The following GALNT9 variants were observed in gnomAD, a reference collection of about 807,000 sequenced individuals.
GALNT9 encodes GalNAc transferase 9.
In GALNT9, 47 loss-of-function variants were observed where a neutral mutation model predicts 63.1. The ratio of observed to expected loss-of-function variants is 0.75; its 90% CI spans 0.59 to 0.95. The LOEUF is 0.95. GALNT9 is among the 40% of genes least tolerant of loss of function. The probability of loss-of-function intolerance (pLI) is 0.00; values close to 1 mark genes in which losing one functional copy is unlikely to be tolerated. For synonymous variants in GALNT9, 396 were observed against 365.7 expected (o/e 1.08, Z -0.94); for missense variants, 829 against 874.8 (o/e 0.95, Z 0.66).
intron 6 of GALNT9, among the ~76,000 whole-genome samples, chr12:132,225,907 CCA>C (rs1410624231): frequency 1.4e-5 from 2 of 147,544 alleles, no homozygotes; most frequent in African/African-American, 5.0e-5. Context: ...AACCCACACC[CCA>C]CACACTGTAC....
intron 6 of GALNT9, among the ~76,000 whole-genome samples, chr12:132,244,099 C>T (rs112613586): frequency 1.7e-4 from 25 of 149,446 alleles, no homozygotes; most frequent in African/African-American, 5.7e-4. Flanking sequence ...GCCGGCCACT[C>T]GGACCACGGT....
intron 1 of GALNT9, among the ~76,000 whole-genome samples, chr12:132,314,565 G>A (rs1424784440): frequency 1.3e-5 from 2 of 152,174 alleles, no homozygotes; most frequent in Admixed American, 6.5e-5. Context: ...CTCCCAATGT[G>A]CAGCTCAAAG....
intron 10 of GALNT9, 75 bp downstream of exon 10, chr12:132,197,717 G>T: frequency 2.6e-6 from 3 of 1,153,410 alleles, no homozygotes; most frequent in Non-Finnish European, 3.7e-6. Context: ...GCTGGCTCTA[G>T]TGGCAGAGGC....
intron 1 of GALNT9, among the ~76,000 whole-genome samples, chr12:132,302,296 G>A (rs116042289): frequency 0.019 from 2,922 of 150,564 alleles, 85 homozygotes; most frequent in African/African-American, 0.067. Flanking sequence ...TTGCTGCAGG[G>A]AAAACTAGTA....
At chr12:132,211,595 G>A (rs1044848301) in intron 6 of GALNT9, among the ~76,000 whole-genome samples, 10 of 151,994 alleles carry the variant, frequency 6.6e-5, no homozygotes, top group Admixed American at 2.0e-4. Flanking sequence ...ACCCTCTCTC[G>A]TCCACCTGGC....
At chr12:132,281,859 C>G (rs28502754) in intron 2 of GALNT9, among the ~76,000 whole-genome samples, 6,559 of 107,110 alleles carry the variant, frequency 0.061, 117 homozygotes, top group African/African-American at 0.27. Flanking sequence ...GGGGGTCCCA[C>G]ATCCCACAGA....
chr12:132,295,254 C>T (rs560009281), intron 1 of GALNT9, among the ~76,000 whole-genome samples: 1 of 152,252 alleles, frequency 6.6e-6, no homozygotes, highest in South Asian at 2.1e-4. Flanking sequence ...AGCCCCATGC[C>T]GGGCACCATG....
rs1555246756 is a variant in GALNT9, at chr12:132,329,114, C to A, written c.90G>T (p.Leu30=). Residue 30 remains leucine, a synonymous_variant, in exon 1 of 11, where the codon CTG becomes CTT. Coordinates refer to ENST00000328957, the MANE Select transcript of GALNT9 (RefSeq NM_001122636.2). Reference sequence around the variant, plus strand: ...GCACGAGCTCCTGGGAGCGGCCCTGCAGGCGGCAGTACACGGAGAACAGGA... The same window carrying A: ...GCACGAGCTCCTGGGAGCGGCCCTGAAGGCGGCAGTACACGGAGAACAGGA... ...GIVLFSVYCR[L]QGRSQELVRI... 6.5e-7 allele frequency: 1 copy of A among 1,549,548 alleles called. No homozygotes were observed. The highest frequency in any genetic ancestry group is 8.7e-7 in the Non-Finnish European group (1 of 1,146,600).
intron 2 of GALNT9, among the ~76,000 whole-genome samples, chr12:132,271,849 G>GT (rs1303175970): frequency 6.6e-6 from 1 of 152,138 alleles, no homozygotes; most frequent in Admixed American, 6.5e-5. Context: ...AGGAGGGCCC[G>GT]TCCCCCGTGC....
At chr12:132,308,524 A>AG (rs1161141015) in intron 1 of GALNT9, among the ~76,000 whole-genome samples, 3 of 148,858 alleles carry the variant, frequency 2.0e-5, no homozygotes, top group African/African-American at 7.4e-5. Flanking sequence ...TGCTAAAGGC[A>AG]GGGGGAGGCC....
intron 2 of GALNT9, among the ~76,000 whole-genome samples, chr12:132,284,759 C>T (rs1355478691): frequency 2.6e-5 from 4 of 152,218 alleles, no homozygotes; most frequent in Non-Finnish European, 5.9e-5. Flanking sequence ...GAAGCTTCAT[C>T]ACACCTAGAA....
intron 5 of GALNT9, among the ~76,000 whole-genome samples, chr12:132,255,712 A>G (rs1879081376): frequency 6.6e-6 from 1 of 152,236 alleles, no homozygotes; most frequent in Non-Finnish European, 1.5e-5. Context: ...TTTGGACTGA[A>G]CCAGTGCACA....
intron 6 of GALNT9, among the ~76,000 whole-genome samples, chr12:132,228,935 A>G (rs1439079208): frequency 1.3e-5 from 2 of 152,332 alleles, no homozygotes; most frequent in East Asian, 3.9e-4. Flanking sequence ...ATTGGCCCCA[A>G]GACGGGAGAA....
At chr12:132,253,720 A>G (rs1325182421) in intron 5 of GALNT9, among the ~76,000 whole-genome samples, 2 of 152,214 alleles carry the variant, frequency 1.3e-5, no homozygotes, top group Admixed American at 1.3e-4. Flanking sequence ...TCCTTTGCCC[A>G]CAGTGAAAAT....
intron 6 of GALNT9, chr12:132,205,394 A>ATCCAGAG (rs1446346546): frequency 1.3e-5 from 2 of 151,816 alleles, no homozygotes; most frequent in African/African-American, 4.8e-5. Flanking sequence ...CGCAGGACAG[A>ATCCAGAG]TCCAGAGTCC....
intron 6 of GALNT9, among the ~76,000 whole-genome samples, chr12:132,237,778 C>T (rs2136895542): frequency 4.6e-5 from 7 of 152,230 alleles, no homozygotes; most frequent in African/African-American, 1.7e-4. Flanking sequence ...AGCCTCACCA[C>T]GTGGCATGGA....
chr12:132,271,615 C>A (rs1198451257), intron 2 of GALNT9, among the ~76,000 whole-genome samples: 1 of 152,144 alleles, frequency 6.6e-6, no homozygotes, highest in African/African-American at 2.4e-5. Context: ...GGCGCTGTGC[C>A]CTGCTTTTTA....
intron 1 of GALNT9, among the ~76,000 whole-genome samples, chr12:132,309,612 G>A (rs570036092): frequency 1.3e-5 from 2 of 152,342 alleles, no homozygotes; most frequent in East Asian, 3.9e-4. Context: ...GTCAGAGGCA[G>A]AGACGATGCC....
intron 6 of GALNT9, chr12:132,247,619 C>T (rs1044829906): frequency 2.2e-4 from 123 of 571,582 alleles, no homozygotes; most frequent in Admixed American, 3.4e-4. Flanking sequence ...CAGCCACACT[C>T]GCCCTCACCC....
Sources: allele counts gnomAD v4.1 joint callset (sites outside exome capture counted in the v4.1 genomes callset), GRCh38; gene constraint gnomAD v4.1.1; transcripts MANE v1.5; gene names NCBI Gene and HGNC (gene_info 2026-07-23, HGNC 2026-07-21).